SAMD3: variants seen among roughly 807,000 people sequenced by gnomAD.
SAMD3 encodes the protein sterile alpha motif domain containing 3, also known as sterile alpha motif domain-containing protein 3.
In SAMD3, 63 loss-of-function variants were observed where a neutral mutation model predicts 58.5. The observed-to-expected ratio is 1.08, with a 90% CI of 0.88 to 1.33. The LOEUF (loss-of-function observed/expected upper bound fraction) is 1.33. SAMD3 is among the 40% of genes most tolerant of loss of function. The probability of loss-of-function intolerance (pLI) is 0.00; values close to 1 mark genes in which losing one functional copy is unlikely to be tolerated. For missense variants in SAMD3, 604 were observed against 608.4 expected, an observed-to-expected ratio of 0.99 and a Z score of 0.08; for synonymous variants, 220 against 210.3, an observed-to-expected ratio of 1.05 and a Z score of -0.40.
intron 5 of SAMD3, among the ~76,000 whole-genome samples, chr6:130,202,049 A>T (rs151020064): frequency 1.5e-3 from 230 of 152,344 alleles, no homozygotes; most frequent in African/African-American, 5.2e-3. Flanking sequence ...CCCATGGGGT[A>T]TAGTCAGTAA....
intron 2 of SAMD3, among the ~76,000 whole-genome samples, chr6:130,228,756 G>A (rs922836233): frequency 1.3e-5 from 2 of 152,168 alleles, no homozygotes; most frequent in Admixed American, 1.3e-4. Flanking sequence ...ATGGAAGCCC[G>A]CATGTGGGAG....
chr6:130,210,366 A>G (rs1194642141), intron 4 of SAMD3, among the ~76,000 whole-genome samples: 1 of 152,152 alleles, frequency 6.6e-6, no homozygotes, highest in African/African-American at 2.4e-5. Context: ...TGGGAGGCTG[A>G]GGCAGGTGGA....
intron 9 of SAMD3, among the ~76,000 whole-genome samples, chr6:130,147,550 C>T (rs991372043): frequency 1.3e-5 from 2 of 152,170 alleles, no homozygotes; most frequent in South Asian, 2.1e-4. Context: ...GTAAACAGAA[C>T]TTACAAGTGC....
intron 2 of SAMD3, among the ~76,000 whole-genome samples, chr6:130,264,146 T>C (rs1774248519): frequency 6.6e-6 from 1 of 152,146 alleles, no homozygotes. Context: ...CCCCTCCCAC[T>C]AAGGTGGTCC....
At chr6:130,228,316 G>A (rs930842861) in intron 2 of SAMD3, among the ~76,000 whole-genome samples, 2 of 152,150 alleles carry the variant, frequency 1.3e-5, no homozygotes, top group Admixed American at 6.5e-5. Flanking sequence ...GCTTCAAGCA[G>A]CCTCACTTGT....
chr6:130,291,027 C>T (rs1335062472), intron 2 of SAMD3, among the ~76,000 whole-genome samples: 1 of 152,284 alleles, frequency 6.6e-6, no homozygotes, highest in African/African-American at 2.4e-5. Context: ...CTCTGTCAGA[C>T]CTTTCATTCT....
intron 2 of SAMD3, among the ~76,000 whole-genome samples, chr6:130,238,144 A>G (rs1330776518): frequency 6.6e-6 from 1 of 152,224 alleles, no homozygotes; most frequent in African/African-American, 2.4e-5. Context: ...TTATAAAAAA[A>G]CAAATTTTCA....
At chr6:130,200,507 C>A (rs1336214607) in intron 5 of SAMD3, among the ~76,000 whole-genome samples, 2 of 148,834 alleles carry the variant, frequency 1.3e-5, no homozygotes, top group Non-Finnish European at 3.0e-5. Context: ...CGAGATCACA[C>A]CACTGCACTC....
At chr6:130,324,339 T>C (rs1184350916) in intron 1 of SAMD3, among the ~76,000 whole-genome samples, 1 of 152,244 alleles carries the variant, frequency 6.6e-6, no homozygotes, top group African/African-American at 2.4e-5. Flanking sequence ...TGCTCGAATT[T>C]GGCAAAAGCC....
At chr6:130,207,865 G>A (rs767195199) in intron 5 of SAMD3, among the ~76,000 whole-genome samples, 27 of 152,170 alleles carry the variant, frequency 1.8e-4, no homozygotes, top group African/African-American at 4.6e-4. Flanking sequence ...GAAAAAGAGC[G>A]GAGAGGAGAG....
chr6:130,284,002 G>A (rs994473982), intron 2 of SAMD3, among the ~76,000 whole-genome samples: 2 of 152,142 alleles, frequency 1.3e-5, no homozygotes, highest in Admixed American at 6.5e-5. Flanking sequence ...AGAGGCGTGT[G>A]CCATCACGCC....
At chr6:130,266,965 T>A (rs1774381678) in intron 2 of SAMD3, among the ~76,000 whole-genome samples, 2 of 152,226 alleles carry the variant, frequency 1.3e-5, no homozygotes, top group South Asian at 4.1e-4. Flanking sequence ...TGTTGCAAGC[T>A]GTTTTAGAAA....
chr6:130,162,057 G>A (rs969686737), intron 8 of SAMD3: 11 of 497,724 alleles, frequency 2.2e-5, no homozygotes, highest in Admixed American at 3.6e-5. Context: ...TTTGAGATGT[G>A]TGACTTTAGA....
chr6:130,254,672 A>G (rs1055769076), intron 2 of SAMD3, among the ~76,000 whole-genome samples: 1 of 152,096 alleles, frequency 6.6e-6, no homozygotes, highest in Non-Finnish European at 1.5e-5. Context: ...CTCCTTATAC[A>G]TAACTGGATA....
chr6:130,151,330 T>TA (rs1401130652), intron 9 of SAMD3, among the ~76,000 whole-genome samples: 5 of 152,052 alleles, frequency 3.3e-5, no homozygotes, highest in African/African-American at 1.2e-4. Flanking sequence ...AGTTGCCTCA[T>TA]ACATATTTTT....
intron 9 of SAMD3, among the ~76,000 whole-genome samples, chr6:130,152,672 G>A (rs12214800): frequency 0.22 from 32,990 of 151,430 alleles, 4,196 homozygotes; most frequent in East Asian, 0.43. Context: ...GTAAGACTCT[G>A]TCTCAATAAA....
intron 1 of SAMD3, among the ~76,000 whole-genome samples, chr6:130,341,044 G>C (rs760217420): frequency 6.6e-6 from 1 of 151,946 alleles, no homozygotes; most frequent in Non-Finnish European, 1.5e-5. Context: ...AAAGTTTTAG[G>C]TACCTTTAAT....
chr6:130,309,851 T>A (rs1776081905), intron 2 of SAMD3, among the ~76,000 whole-genome samples: 1 of 152,222 alleles, frequency 6.6e-6, no homozygotes, highest in Non-Finnish European at 1.5e-5. Flanking sequence ...AACACCTTTT[T>A]AATTGTATAT....
intron 2 of SAMD3, among the ~76,000 whole-genome samples, chr6:130,289,828 A>G (rs772100476): frequency 1.4e-4 from 22 of 152,200 alleles, no homozygotes; most frequent in Non-Finnish European, 2.8e-4. Flanking sequence ...CCATGTAGTC[A>G]GAAGACCTAG....
Sources: gnomAD v4.1 joint callset for allele counts (sites outside exome capture counted in the v4.1 genomes callset) on GRCh38, gnomAD v4.1.1 for gene constraint, MANE v1.5 for transcripts, NCBI Gene and HGNC (gene_info 2026-07-23, HGNC 2026-07-21) for gene names.